Variants in CDKAL1 observed in about 807,000 individuals in gnomAD.
The protein encoded by CDKAL1 is CDKAL1 threonylcarbamoyladenosine tRNA methylthiotransferase, also known as threonylcarbamoyladenosine tRNA methylthiotransferase.
Under a neutral mutation model 68.2 loss-of-function variants are expected in CDKAL1, and 32 were observed. That is an observed-to-expected ratio of 0.47 (90% confidence interval 0.35 to 0.63). CDKAL1 has a LOEUF of 0.63. Among genes scored for constraint, CDKAL1 ranks in the 30% least tolerant of loss-of-function variants. The probability of loss-of-function intolerance (pLI) is 0.00; values close to 1 mark genes in which losing one functional copy is unlikely to be tolerated. For missense variants in CDKAL1, 606 were observed against 696.7 expected (o/e 0.87, Z 1.47); for synonymous variants, 234 against 244.3 (o/e 0.96, Z 0.39).
At chr6:20,747,823 C>A (rs964462987) in intron 6 of CDKAL1, among the ~76,000 whole-genome samples, 7 of 152,148 alleles carry the variant, frequency 4.6e-5, no homozygotes, top group African/African-American at 1.7e-4. Context: ...TGTGCAGAAT[C>A]ATTTTAGCTT....
chr6:20,594,329 C>CGGGACT (rs1765724204), intron 4 of CDKAL1, among the ~76,000 whole-genome samples: 1 of 152,194 alleles, frequency 6.6e-6, no homozygotes, highest in Admixed American at 6.5e-5. Context: ...TTATAGGTCT[C>CGGGACT]TAAGAACTTG....
intron 4 of CDKAL1, among the ~76,000 whole-genome samples, chr6:20,648,996 C>G (rs1442216026): frequency 6.6e-6 from 1 of 152,142 alleles, no homozygotes; most frequent in Non-Finnish European, 1.5e-5. Flanking sequence ...AAGATTAGGG[C>G]AAGTTTCACT....
intron 9 of CDKAL1, among the ~76,000 whole-genome samples, chr6:20,933,850 A>G (rs1763580323): frequency 1.3e-5 from 2 of 151,986 alleles, no homozygotes; most frequent in Non-Finnish European, 2.9e-5. Flanking sequence ...TTATAGTAAA[A>G]TAGCTTTTAG....
At chr6:20,593,668 C>G (rs934532503) in intron 4 of CDKAL1, among the ~76,000 whole-genome samples, 1 of 146,860 alleles carries the variant, frequency 6.8e-6, no homozygotes, top group Non-Finnish European at 1.5e-5. Context: ...ATTTGTCTCT[C>G]TATCTCCTTC....
At chr6:21,222,571 G>A (rs1367809197) in intron 15 of CDKAL1, among the ~76,000 whole-genome samples, 3 of 152,116 alleles carry the variant, frequency 2.0e-5, no homozygotes, top group African/African-American at 7.2e-5. Context: ...AGATAATTGG[G>A]TACAGCTACT....
chr6:21,058,748 G>A (rs566439360), intron 11 of CDKAL1, among the ~76,000 whole-genome samples: 1 of 152,206 alleles, frequency 6.6e-6, no homozygotes, highest in South Asian at 2.1e-4. Context: ...CACCAGTGGG[G>A]GCTGCAGAAC....
chr6:21,097,476 A>T (rs1478272057), intron 12 of CDKAL1, among the ~76,000 whole-genome samples: 1 of 152,086 alleles, frequency 6.6e-6, no homozygotes, highest in African/African-American at 2.4e-5. Flanking sequence ...TCAAAAAACA[A>T]AAAAAAGAAA....
At chr6:20,823,581 C>A (rs1777377677) in intron 8 of CDKAL1, among the ~76,000 whole-genome samples, 1 of 152,172 alleles carries the variant, frequency 6.6e-6, no homozygotes, top group Admixed American at 6.5e-5. Context: ...TGAAGCAAAT[C>A]TGACTGATTT....
At chr6:21,021,817 C>T (rs368959940) in intron 11 of CDKAL1, among the ~76,000 whole-genome samples, 10 of 152,162 alleles carry the variant, frequency 6.6e-5, no homozygotes, top group East Asian at 3.8e-4. Context: ...GCCATCCGTC[C>T]GGACATTTCA....
At chr6:20,796,367 A>G (rs534994822) in intron 8 of CDKAL1, among the ~76,000 whole-genome samples, 7 of 152,336 alleles carry the variant, frequency 4.6e-5, no homozygotes, top group Admixed American at 3.3e-4. Context: ...AAATCATGCA[A>G]TGTTCAGGAA....
intron 8 of CDKAL1, among the ~76,000 whole-genome samples, chr6:20,823,295 C>A (rs886948785): frequency 1.1e-4 from 16 of 152,236 alleles, no homozygotes; most frequent in South Asian, 2.1e-4. Context: ...TGTCATGTTT[C>A]CTTACAGTTA....
At chr6:20,666,653 T>C (rs1446685854) in intron 5 of CDKAL1, among the ~76,000 whole-genome samples, 1 of 151,836 alleles carries the variant, frequency 6.6e-6, no homozygotes, top group Non-Finnish European at 1.5e-5. Context: ...GAGAAGCAAC[T>C]TGAGGGCTGA....
At chr6:21,079,976 CTGTGTGTGTGTGTGTG>C (rs764266426) in intron 12 of CDKAL1, among the ~76,000 whole-genome samples, 1 of 135,750 alleles carries the variant, frequency 7.4e-6, no homozygotes, top group African/African-American at 2.8e-5. Context: ...AACTTTGTCT[CTGTGTGTGTGTGTGTG>C]TGTGTGTGTG....
At chr6:21,188,219 T>C (rs1357104864) in intron 13 of CDKAL1, among the ~76,000 whole-genome samples, 1 of 152,240 alleles carries the variant, frequency 6.6e-6, no homozygotes, top group East Asian at 1.9e-4. Flanking sequence ...TAATATACTT[T>C]TTTTAATCAG....
At chr6:20,832,597 A>T (rs9350288) in intron 8 of CDKAL1, among the ~76,000 whole-genome samples, 91,185 of 151,934 alleles carry the variant, frequency 0.6, 27,967 homozygotes, top group Non-Finnish European at 0.68. Flanking sequence ...TCGAGGGAGC[A>T]CTGAGCTGTG....
intron 5 of CDKAL1, among the ~76,000 whole-genome samples, chr6:20,703,576 ATTG>A (rs1429903676): frequency 1.3e-5 from 2 of 152,186 alleles, no homozygotes; most frequent in Non-Finnish European, 2.9e-5. Context: ...TTTTATAGTT[ATTG>A]TTCCATTTGA....
chr6:20,840,710 T>C (rs1398912072), intron 8 of CDKAL1, among the ~76,000 whole-genome samples: 5 of 152,226 alleles, frequency 3.3e-5, no homozygotes, highest in Admixed American at 3.3e-4. Flanking sequence ...ACAGGTATTA[T>C]GTTATCATTT....
At chr6:20,787,328 A>G (rs1419687190) in intron 8 of CDKAL1, among the ~76,000 whole-genome samples, 1 of 152,128 alleles carries the variant, frequency 6.6e-6, no homozygotes, top group Non-Finnish European at 1.5e-5. Context: ...TTTACACTTT[A>G]TGTCTGTAAT....
At chr6:21,147,569 T>C (rs1397437958) in intron 13 of CDKAL1, among the ~76,000 whole-genome samples, 1 of 152,174 alleles carries the variant, frequency 6.6e-6, no homozygotes, top group Non-Finnish European at 1.5e-5. Flanking sequence ...TCCTGGTTAG[T>C]GCCCTGCAAC....
Sources: allele counts gnomAD v4.1 joint callset (sites outside exome capture counted in the v4.1 genomes callset), GRCh38; gene constraint gnomAD v4.1.1; transcripts MANE v1.5; gene names NCBI Gene and HGNC (gene_info 2026-07-23, HGNC 2026-07-21).